EIF4E3: variants seen among roughly 807,000 people sequenced by gnomAD.
EIF4E3 encodes the protein eukaryotic translation initiation factor 4E type 3.
In EIF4E3, 26 loss-of-function variants were observed where a neutral mutation model predicts 31.7. That is an observed-to-expected ratio of 0.82 (90% CI 0.60 to 1.14). The LOEUF (loss-of-function observed/expected upper bound fraction) is 1.14, where lower values mean the gene tolerates loss of function less well. Ranked by LOEUF, EIF4E3 falls within the 50% of genes most tolerant of loss-of-function variation. The pLI, the probability that EIF4E3 is intolerant of heterozygous loss-of-function variation, is 0.00. For synonymous variants in EIF4E3, 128 were observed against 107.7 expected, an observed-to-expected ratio of 1.19 and a Z score of -1.17; for missense variants, 304 against 270.9, an observed-to-expected ratio of 1.12 and a Z score of -0.86.
chr3:71,699,208 C>T (rs1382386321), intron 3 of EIF4E3, among the ~76,000 whole-genome samples: 2 of 151,998 alleles, frequency 1.3e-5, no homozygotes, highest in African/African-American at 4.8e-5. Context: ...GCCTTGGTGA[C>T]AGAGTGAGAC....
intron 1 of EIF4E3, among the ~76,000 whole-genome samples, chr3:71,751,562 C>T (rs2049929555): frequency 1.3e-5 from 2 of 152,220 alleles, no homozygotes; most frequent in African/African-American, 2.4e-5. Context: ...CTAAGGGCCA[C>T]AGCAAGGCAG....
chr3:71,735,835 A>T (rs2049757328), intron 1 of EIF4E3, among the ~76,000 whole-genome samples: 1 of 152,000 alleles, frequency 6.6e-6, no homozygotes, highest in South Asian at 2.1e-4. Flanking sequence ...AAACATTTTC[A>T]TGTTTTACTG....
chr3:71,738,636 C>A (rs1020418646), intron 1 of EIF4E3, among the ~76,000 whole-genome samples: 1 of 152,124 alleles, frequency 6.6e-6, no homozygotes, highest in Middle Eastern at 3.4e-3. Flanking sequence ...GTGCACCGAA[C>A]AAGAGAGGCT....
In EIF4E3 at chr3:71,681,183, T is replaced by C. The variant is rs2048917883; in HGVS notation, c.*3499A>G. The C allele has an allele frequency of 6.6e-6, 1 of 152,240 alleles. No homozygotes were observed. The highest frequency in any genetic ancestry group is 1.5e-5 in the Non-Finnish European group (1 of 68,038). The allele number at this position is 152,240 out of a possible 1,614,324, so 9.4% of individuals were successfully genotyped here. ...AGGTGCATGAAAACTAAATGTCTTA[T>C]TGCCAAGTATCATTTTTACATTTTC... On this transcript the variant is annotated 3_prime_UTR_variant, in exon 7 of 7. Coordinates refer to ENST00000425534, the MANE Select transcript of EIF4E3 (RefSeq NM_001134651.2).
At chr3:71,730,475 C>G (rs1477646433) in intron 1 of EIF4E3, among the ~76,000 whole-genome samples, 1 of 152,144 alleles carries the variant, frequency 6.6e-6, no homozygotes, top group African/African-American at 2.4e-5. Context: ...CTCTGAAGAT[C>G]TTTTAGGGGC....
chr3:71,741,367 G>C (rs778194489), intron 1 of EIF4E3, among the ~76,000 whole-genome samples: 1 of 152,112 alleles, frequency 6.6e-6, no homozygotes, highest in African/African-American at 2.4e-5. Context: ...AGCTGGAGAG[G>C]CTATATTTAT....
rs1041121600 is a variant in EIF4E3 at position 71,725,223 on chromosome 3, G to A, written c.145C>T (p.Leu49=). The change falls in exon 1 of 7, where the codon CTG becomes TTG. Residue 49 remains leucine, a synonymous_variant. Coordinates refer to ENST00000425534, the MANE Select transcript of EIF4E3 (RefSeq NM_001134651.2). The surrounding 1 kb of genome is among the most constrained non-coding windows in gnomAD (Gnocchi z 6.1). ...ALQPEPGGVP[L]HSSWTFWLDR... ...AGCCAGAAGGTCCAGGACGAGTGCA[G>A]CGGGACCCCGCCCGGCTCAGGCTGC... 7.9e-6 allele frequency: 9 copies of A among 1,136,748 alleles called. No individual in the cohort carries two copies. The highest frequency in any genetic ancestry group is 1.7e-5 in the African/African-American group (1 of 59,688). 70.4% of individuals were successfully genotyped at this position (1,136,748 alleles called of 1,614,324 possible). A position where few individuals can be genotyped will look rare whatever the true frequency, so the allele number is the denominator to read the frequency against.
chr3:71,753,653 G>GT, upstream of EIF4E3: 1 of 148,538 alleles, frequency 6.7e-6, no homozygotes, highest in Non-Finnish European at 1.5e-5. Context: ...GCTCCGCGGC[G>GT]GCGGCGGCGG....
chr3:71,712,128 A>AT (rs2049389013), intron 1 of EIF4E3, among the ~76,000 whole-genome samples: 2 of 152,222 alleles, frequency 1.3e-5, no homozygotes, highest in African/African-American at 4.8e-5. Flanking sequence ...AAAGCACTGA[A>AT]TTTACAACTC....
At chr3:71,691,995 G>T (rs1304146278) in intron 5 of EIF4E3, among the ~76,000 whole-genome samples, 1 of 152,066 alleles carries the variant, frequency 6.6e-6, no homozygotes, top group African/African-American at 2.4e-5. Flanking sequence ...CTACCCTATT[G>T]GTCAAAGCGT....
intron 1 of EIF4E3, among the ~76,000 whole-genome samples, chr3:71,751,677 T>C (rs528025108): frequency 6.6e-6 from 1 of 152,310 alleles, no homozygotes; most frequent in African/African-American, 2.4e-5. Flanking sequence ...TAGCCAATGA[T>C]ATGTTTAAGT....
chr3:71,706,381 A>G (rs964172211), intron 2 of EIF4E3, among the ~76,000 whole-genome samples: 1 of 152,222 alleles, frequency 6.6e-6, no homozygotes, highest in African/African-American at 2.4e-5. Flanking sequence ...AAAGGGCCTC[A>G]AAGTATAAAA....
At chr3:71,674,747 A>G (rs536043632), downstream of EIF4E3, among the ~76,000 whole-genome samples, 106 of 152,324 alleles carry the variant, frequency 7.0e-4, no homozygotes, top group African/African-American at 2.0e-3. Flanking sequence ...GAATTGATAC[A>G]GCCAACCAAT....
upstream of EIF4E3, chr3:71,754,697 C>T (rs571324007): frequency 1.8e-4 from 273 of 1,492,166 alleles, no homozygotes; most frequent in African/African-American, 3.5e-3. The surrounding 1 kb of genome is among the most constrained non-coding windows in gnomAD (Gnocchi z 5.8). Context: ...AGATGCGGCC[C>T]GCGCGCCTGG....
chr3:71,708,019 G>A (rs1162739050), intron 2 of EIF4E3, among the ~76,000 whole-genome samples: 1 of 151,788 alleles, frequency 6.6e-6, no homozygotes, highest in Non-Finnish European at 1.5e-5. Flanking sequence ...CCCAGTAAGT[G>A]CCCACCACCA....
chr3:71,741,718 A>C (rs2049822910), intron 1 of EIF4E3, among the ~76,000 whole-genome samples: 1 of 152,226 alleles, frequency 6.6e-6, no homozygotes, highest in Admixed American at 6.5e-5. Context: ...TACAAAACAC[A>C]TTCTTTTCAA....
rs903071644 is a variant in EIF4E3, at chr3:71,680,886, A to G, written c.*3796T>C. 6.6e-6 allele frequency: 1 copy of G among 152,248 alleles called. No individual in the cohort carries two copies. Among genetic ancestry groups the G allele is most frequent in the East Asian group, 1.9e-4 (1 of 5,192 alleles). 9.4% of individuals were successfully genotyped at this position (152,248 alleles called of 1,614,324 possible). A position where few individuals can be genotyped will look rare whatever the true frequency, so the allele number is the denominator to read the frequency against. ...AGGCAGTCCTCTACTTTCACTTGTAATGAGTAAAATCTCACAGAAACATAC... is the reference window on the plus strand; with the variant it reads ...AGGCAGTCCTCTACTTTCACTTGTAGTGAGTAAAATCTCACAGAAACATAC... On this transcript the variant is annotated 3_prime_UTR_variant, in exon 7 of 7. Coordinates refer to ENST00000425534, the MANE Select transcript of EIF4E3 (RefSeq NM_001134651.2).
upstream of EIF4E3, among the ~76,000 whole-genome samples, chr3:71,725,877 GA>G (rs1441028381): frequency 6.6e-6 from 1 of 152,176 alleles, no homozygotes; most frequent in African/African-American, 2.4e-5. The surrounding 1 kb of genome is among the most constrained non-coding windows in gnomAD (Gnocchi z 6.1). Flanking sequence ...AGGATGGAGT[GA>G]AGGCTGGCAG....
chr3:71,745,093 C>T (rs182477253), intron 1 of EIF4E3, among the ~76,000 whole-genome samples: 1 of 152,328 alleles, frequency 6.6e-6, no homozygotes, highest in East Asian at 1.9e-4. Flanking sequence ...GAACCCAAGT[C>T]ATACTTTTTA....
Sources: gnomAD v4.1 joint callset for allele counts (sites outside exome capture counted in the v4.1 genomes callset) on GRCh38, gnomAD v4.1.1 for gene constraint, Gnocchi (gnomAD v3.1) non-coding constraint, MANE v1.5 for transcripts, NCBI Gene and HGNC (gene_info 2026-07-23, HGNC 2026-07-21) for gene names.